The following ASB13 variants were observed in gnomAD, a reference collection of about 807,000 sequenced individuals.
The protein encoded by ASB13 is ankyrin repeat and SOCS box protein 13.
In ASB13, 33 loss-of-function variants were observed where a neutral mutation model predicts 28.8. That is an observed-to-expected ratio of 1.15 (90% CI 0.87 to 1.53). The LOEUF (loss-of-function observed/expected upper bound fraction) is 1.53, where lower values mean the gene tolerates loss of function less well. ASB13 is among the 40% of genes most tolerant of loss of function. ASB13 has a pLI of 0.00. For missense variants in ASB13, 414 were observed against 390.1 expected (o/e 1.06, Z -0.52); for synonymous variants, 182 against 172.9 (o/e 1.05, Z -0.41).
rs1360200253 is a variant in ASB13, at chr10:5,659,287, AT to A, written c.44-6238del. On this transcript the variant is annotated intron_variant, in intron 1 of 5. Coordinates refer to ENST00000357700, the MANE Select transcript of ASB13 (RefSeq NM_024701.4). The surrounding 1 kb of genome is among the most constrained non-coding windows in gnomAD (Gnocchi z 5.8). ...TCCGGGACTCACGTTCTGCCCCTAA[AT>A]CCCACCCACTGCTGCCACATAATAG... 6.6e-6 allele frequency among the ~76,000 whole-genome samples: 1 copy of A among 152,008 alleles called. No individual in the cohort carries two copies. The highest frequency in any genetic ancestry group is 1.5e-5 in the Non-Finnish European group (1 of 67,986).
chr10:5,648,707 C>CA (rs1298107121), intron 4 of ASB13, among the ~76,000 whole-genome samples: 4 of 150,874 alleles, frequency 2.7e-5, no homozygotes, highest in African/African-American at 9.8e-5. Flanking sequence ...GGCAAACACC[C>CA]CCGGGGGTAA....
In ASB13 at chr10:5,664,757, T is replaced by C. The variant is rs1215847088; in HGVS notation, c.43+1752A>G. Among the ~76,000 whole-genome samples the C allele has an allele frequency of 6.6e-6, 1 of 152,198 alleles. No homozygotes were observed. Among genetic ancestry groups the C allele is most frequent in the Non-Finnish European group, 1.5e-5 (1 of 68,034 alleles). ...GTGCAATGGCATGATCTCAGCTCAC[T>C]ACAACCTCTGCCTATCAGGTTCAAG... On this transcript the variant is annotated intron_variant, in intron 1 of 5. Transcript: ENST00000357700. The surrounding 1 kb of genome is among the most constrained non-coding windows in gnomAD (Gnocchi z 4.2).
chr10:5,643,056 A>T (rs1834834897), intron 4 of ASB13, among the ~76,000 whole-genome samples: 1 of 152,234 alleles, frequency 6.6e-6, no homozygotes, highest in South Asian at 2.1e-4. Flanking sequence ...TTTTATTCGA[A>T]GTCTGTTCCT....
chr10:5,660,440 T>C lies in ASB13; in HGVS notation c.43+6069A>G, dbSNP rs1221699893. Among the ~76,000 whole-genome samples, 1 of 152,140 alleles carries C rather than the reference T, an allele frequency of 6.6e-6. No individual in the cohort carries two copies. The highest frequency in any genetic ancestry group is 1.5e-5 in the Non-Finnish European group (1 of 68,024). On this transcript the variant is annotated intron_variant, in intron 1 of 5. Transcript: ENST00000357700. This position sits in a 1 kb window ranked among gnomAD's most constrained non-coding sequence, Gnocchi z 6.1. ...CCTGTCCTTTGAGATTAGGAAGCCC[T>C]GGCTGAACAGGTCAAGTGGCTCAGG... is the stretch of plus-strand genomic sequence containing the variant.
chr10:5,658,432 A>C lies in ASB13; in HGVS notation c.44-5382T>G, dbSNP rs7091234. 0.53 allele frequency among the ~76,000 whole-genome samples: 80,614 copies of C among 151,126 alleles called. 22,990 individuals carry two copies. Among genetic ancestry groups the C allele is most frequent in the Middle Eastern group, 0.68 (199 of 292 alleles). ...GGTGACTTTGTCTGAAAAAAAAAAA[A>C]AAAACAAAACCAAATAAGCCATTTC... is the stretch of plus-strand genomic sequence containing the variant. On this transcript the variant is annotated intron_variant, in intron 1 of 5. Coordinates refer to ENST00000357700, the MANE Select transcript of ASB13 (RefSeq NM_024701.4). The surrounding 1 kb of genome is among the most constrained non-coding windows in gnomAD (Gnocchi z 4.2).
Position 5,640,726 on chromosome 10 carries a change from T to C in ASB13, c.814A>G (p.Ile272Val), listed in dbSNP as rs1834796823. 4 of 1,614,018 alleles carry C rather than the reference T, an allele frequency of 2.5e-6. No individual in the cohort carries two copies. Among genetic ancestry groups the C allele is most frequent in the African/African-American group, 1.3e-5 (1 of 74,914 alleles). The change falls in exon 6 of 6, where the codon ATT becomes GTT. Residue 272 changes from isoleucine (I) to valine (V), a missense_variant. By Grantham distance (29) the Ile-to-Val change is conservative (BLOSUM62 3). Transcript: ENST00000357700. Reference sequence around the variant, plus strand: ...ATTCAGTTGTAGGAGAGGTAATCAATGAGCCGGGGCGGGATGTTTAACTTG... The same window carrying C: ...ATTCAGTTGTAGGAGAGGTAATCAACGAGCCGGGGCGGGATGTTTAACTTG... The part of the protein sequence containing the change: ...IAKLNIPPRL[I>V]DYLSYN
chr10:5,662,203 A>G (rs1414948000), intron 1 of ASB13, among the ~76,000 whole-genome samples: 1 of 152,076 alleles, frequency 6.6e-6, no homozygotes, highest in Non-Finnish European at 1.5e-5. Flanking sequence ...GCTGACTGTC[A>G]GAACTGAAAA....
chr10:5,645,913 A>G lies in ASB13; in HGVS notation c.517+3057T>C, dbSNP rs758096926. On this transcript the variant is annotated intron_variant, in intron 4 of 5. Coordinates refer to ENST00000357700, the MANE Select transcript of ASB13 (RefSeq NM_024701.4). The surrounding 1 kb of genome is among the most constrained non-coding windows in gnomAD (Gnocchi z 5.4). Reference sequence around the variant, plus strand: ...TTTCTCTCTCCTCTGTATGTTTGAAATTTTCCGCAATGAAAAAATGGTTTC... The same window carrying G: ...TTTCTCTCTCCTCTGTATGTTTGAAGTTTTCCGCAATGAAAAAATGGTTTC... 3.1e-4 allele frequency among the ~76,000 whole-genome samples: 47 copies of G among 152,010 alleles called. No individual in the cohort carries two copies. The highest frequency in any genetic ancestry group is 6.3e-4 in the Non-Finnish European group (43 of 68,008).
At position 5,652,354 on chromosome 10, in the gene ASB13, G is replaced by A. The variant is rs556905694; in HGVS notation, c.231+509C>T. On this transcript the variant is annotated intron_variant, in intron 2 of 5. Transcript: ENST00000357700. This position sits in a 1 kb window ranked among gnomAD's most constrained non-coding sequence, Gnocchi z 5.0. ...GTGCAGGGCCAGTGTTTGCCAGCTC[G>A]GGAGAGCTGGCTGCCAATGTGCCAG... Among the ~76,000 whole-genome samples, 2 of 152,300 alleles carry A rather than the reference G, an allele frequency of 1.3e-5. No individual in the cohort carries two copies. The highest frequency in any genetic ancestry group is 4.8e-5 in the African/African-American group (2 of 41,558).
chr10:5,653,704 C>T (rs1389503899), intron 1 of ASB13, among the ~76,000 whole-genome samples: 3 of 151,454 alleles, frequency 2.0e-5, no homozygotes, highest in South Asian at 2.1e-4. Context: ...ATTTATGAGA[C>T]GGAGTCTCGC....
rs910438112 is a variant in ASB13, at chr10:5,644,849, AC to A, written c.518-2889del. On this transcript the variant is annotated intron_variant, in intron 4 of 5. Coordinates refer to ENST00000357700, the MANE Select transcript of ASB13 (RefSeq NM_024701.4). This position sits in a 1 kb window ranked among gnomAD's most constrained non-coding sequence, Gnocchi z 5.1. ...AAAAGAAAGAAAGAAGGGAACAGAT[AC>A]AGAGGAAAGAAGGAAGAGAGAAAGA... is the stretch of plus-strand genomic sequence containing the variant. Among the ~76,000 whole-genome samples the A allele has an allele frequency of 6.6e-5, 10 of 152,162 alleles. No individual in the cohort carries two copies. Among genetic ancestry groups the A allele is most frequent in the Admixed American group, 6.6e-4 (10 of 15,260 alleles).
chr10:5,651,589 C>G lies in ASB13; in HGVS notation c.232-226G>C. On this transcript the variant is annotated intron_variant, in intron 2 of 5. Transcript: ENST00000357700. The surrounding 1 kb of genome is among the most constrained non-coding windows in gnomAD (Gnocchi z 5.1). ...CGTTCAGGATTCTTTTCTCTCAGGG[C>G]AGGATAAGCTCAGCAGCCCCCTCGC... 1.9e-6 allele frequency: 1 copy of G among 518,518 alleles called. No individual in the cohort carries two copies. The highest frequency in any genetic ancestry group is 3.4e-6 in the Non-Finnish European group (1 of 294,738). The allele number at this position is 518,518 out of a possible 1,614,324, so 32.1% of individuals were successfully genotyped here.
intron 4 of ASB13, among the ~76,000 whole-genome samples, chr10:5,643,421 G>A (rs908010411): frequency 2.0e-5 from 3 of 152,094 alleles, no homozygotes; most frequent in African/African-American, 7.2e-5. Flanking sequence ...TCCTAAGAAC[G>A]CCCCAGCCCT....
In ASB13 at chr10:5,656,728, A is replaced by G. The variant is rs1364582198; in HGVS notation, c.44-3678T>C. 6.6e-6 allele frequency among the ~76,000 whole-genome samples: 1 copy of G among 152,206 alleles called. No individual in the cohort carries two copies. ...AAGGAAAGCATGTAAACAACTAGCT[A>G]TGTTTTGTTAAAGATTTATAGGAGC... On this transcript the variant is annotated intron_variant, in intron 1 of 5. Coordinates refer to ENST00000357700, the MANE Select transcript of ASB13 (RefSeq NM_024701.4). This position sits in a 1 kb window ranked among gnomAD's most constrained non-coding sequence, Gnocchi z 4.3.
rs1834968021 is a variant in ASB13 at position 5,650,532 on chromosome 10, G to A, written c.382+681C>T. Among the ~76,000 whole-genome samples the A allele has an allele frequency of 6.6e-6, 1 of 152,210 alleles. No individual in the cohort carries two copies. The highest frequency in any genetic ancestry group is 6.5e-5 in the Admixed American group (1 of 15,286). ...TCCAAAGACAAAGGCCATGCTGGCC[G>A]GTCAAGATATAAGCCACAGTTTGCA... On this transcript the variant is annotated intron_variant, in intron 3 of 5. Coordinates refer to ENST00000357700, the MANE Select transcript of ASB13 (RefSeq NM_024701.4). This position sits in a 1 kb window ranked among gnomAD's most constrained non-coding sequence, Gnocchi z 6.0.
rs1387702638 is a variant in ASB13, at chr10:5,638,994, C to A, written c.*1709G>T. ...AGAATCTCTTACAAAGATGAAAGGG[C>A]AGAACCCAGTGCTTTTTTTAATGGT... On this transcript the variant is annotated 3_prime_UTR_variant, in exon 6 of 6. Transcript: ENST00000357700. 3 of 152,550 alleles carry A rather than the reference C, an allele frequency of 2.0e-5. No individual in the cohort carries two copies. Among genetic ancestry groups the A allele is most frequent in the South Asian group, 2.1e-4 (1 of 4,838 alleles). 9.4% of individuals were successfully genotyped at this position (152,550 alleles called of 1,614,324 possible).
At position 5,659,189 on chromosome 10, in the gene ASB13, A is replaced by G. The variant is rs1201816491; in HGVS notation, c.44-6139T>C. On this transcript the variant is annotated intron_variant, in intron 1 of 5. Coordinates refer to ENST00000357700, the MANE Select transcript of ASB13 (RefSeq NM_024701.4). The surrounding 1 kb of genome is among the most constrained non-coding windows in gnomAD (Gnocchi z 5.8). ...GGTGGCAAGACGCCCCCCCTCCCCA[A>G]TCCCTGCACCCTCTCCCTTGGCGGA... 6.6e-6 allele frequency among the ~76,000 whole-genome samples: 1 copy of G among 151,922 alleles called. No homozygotes were observed.
At position 5,645,303 on chromosome 10, in the gene ASB13, T is replaced by TA. The variant is rs1178646257; in HGVS notation, c.518-3343dup. On this transcript the variant is annotated intron_variant, in intron 4 of 5. Coordinates refer to ENST00000357700, the MANE Select transcript of ASB13 (RefSeq NM_024701.4). The surrounding 1 kb of genome is among the most constrained non-coding windows in gnomAD (Gnocchi z 5.4). The stretch of plus-strand genomic sequence containing the variant: ...TTTTTTAAAAATTAAACAACAATTT[T>TA]AAAAAAATTTTTTAAATTGTGCCAG... Among the ~76,000 whole-genome samples the TA allele has an allele frequency of 6.6e-6, 1 of 152,076 alleles. No homozygotes were observed. The highest frequency in any genetic ancestry group is 1.5e-5 in the Non-Finnish European group (1 of 68,022).
Position 5,640,252 on chromosome 10 carries a change from G to T in ASB13, c.*451C>A, listed in dbSNP as rs947240289. 1.9e-5 allele frequency: 3 copies of T among 159,260 alleles called. No individual in the cohort carries two copies. Among genetic ancestry groups the T allele is most frequent in the African/African-American group, 7.2e-5 (3 of 41,610 alleles). The allele number at this position is 159,260 out of a possible 1,614,324, so 9.9% of individuals were successfully genotyped here. A position where few individuals can be genotyped will look rare whatever the true frequency, so the allele number is the denominator to read the frequency against. On this transcript the variant is annotated 3_prime_UTR_variant, in exon 6 of 6. Transcript: ENST00000357700. Reference sequence around the variant, plus strand: ...CCCTATGAGCACCGAGGGCAGTCCTGGTGCCGACCCGGAGGTGGTGGCCTG... The same window carrying T: ...CCCTATGAGCACCGAGGGCAGTCCTTGTGCCGACCCGGAGGTGGTGGCCTG...
Sources: allele counts gnomAD v4.1 joint callset (sites outside exome capture counted in the v4.1 genomes callset), GRCh38; gene constraint gnomAD v4.1.1; non-coding constraint Gnocchi (gnomAD v3.1); transcripts MANE v1.5; gene names NCBI Gene and HGNC (gene_info 2026-07-23, HGNC 2026-07-21).